Variants in NKD2 observed in about 807,000 individuals in gnomAD.
NKD2 encodes protein naked cuticle homolog 2.
A neutral mutation model predicts 34.8 loss-of-function variants in NKD2; 43 were observed. The ratio of observed to expected loss-of-function variants is 1.24; its 90% CI spans 0.97 to 1.60. The LOEUF is 1.60. NKD2 is among the 40% of genes most tolerant of loss of function. NKD2 has a pLI of 0.00. For synonymous variants in NKD2, 278 were observed against 265.1 expected (o/e 1.05, Z -0.47); for missense variants, 675 against 627.1 (o/e 1.08, Z -0.82).
intron 3 of NKD2, among the ~76,000 whole-genome samples, chr5:1,030,622 T>C (rs909790330): frequency 3.9e-5 from 6 of 152,192 alleles, no homozygotes; most frequent in African/African-American, 1.2e-4. Context: ...TGGACAGAGC[T>C]TTTCCCTCAC....
At chr5:1,033,290 G>A in intron 4 of NKD2, 82 bp from the exon 5 acceptor site, 1 of 1,305,710 alleles carries the variant, frequency 7.7e-7, no homozygotes, top group South Asian at 1.4e-5. Context: ...GTGGTGAGGG[G>A]AGAGCAGCGA....
At chr5:1,026,925 C>T (rs1756437931) in intron 3 of NKD2, among the ~76,000 whole-genome samples, 1 of 152,354 alleles carries the variant, frequency 6.6e-6, no homozygotes, top group South Asian at 2.1e-4. Flanking sequence ...TGCCTGAGCC[C>T]CACAAACTGG....
chr5:1,033,772 C>T (rs1756741163), intron 5 of NKD2, among the ~76,000 whole-genome samples: 1 of 152,212 alleles, frequency 6.6e-6, no homozygotes, highest in South Asian at 2.1e-4. Context: ...GCCTTGGTGC[C>T]CTTGGCACTA....
In NKD2 at chr5:1,009,632, T is replaced by G; in HGVS notation, c.141+72T>G. 1 of 1,241,266 alleles carries G rather than the reference T, an allele frequency of 8.1e-7. No individual in the cohort carries two copies. The highest frequency in any genetic ancestry group is 1.0e-6 in the Non-Finnish European group (1 of 956,422). The allele number at this position is 1,241,266 out of a possible 1,614,324, so 76.9% of individuals were successfully genotyped here. On this transcript the variant is annotated intron_variant, in intron 3 of 9. Coordinates refer to ENST00000296849, the MANE Select transcript of NKD2 (RefSeq NM_033120.4). The surrounding 1 kb of genome is among the most constrained non-coding windows in gnomAD (Gnocchi z 6.9). ...GGGCGGGGAGCGGTGTCAGAGCTGT[T>G]CCTGGTGCCCGCCCGCGGACAGGCG...
At chr5:1,011,439 CCTT>C (rs372164259) in intron 3 of NKD2, among the ~76,000 whole-genome samples, 103 of 152,344 alleles carry the variant, frequency 6.8e-4, no homozygotes, top group African/African-American at 2.5e-3. Context: ...CTGGCTCTCA[CCTT>C]CTTCTTTTGT....
intron 3 of NKD2, among the ~76,000 whole-genome samples, chr5:1,020,283 T>G (rs565753958): frequency 3.3e-4 from 50 of 152,300 alleles, no homozygotes; most frequent in African/African-American, 1.2e-3. Context: ...CACACGTATA[T>G]GTAGGTGTAT....
chr5:1,036,506 C>CCCCCA, intron 9 of NKD2, 122 bp downstream of exon 9: 2 of 602,934 alleles, frequency 3.3e-6, no homozygotes, highest in African/African-American at 2.9e-5. Flanking sequence ...CCCCCCAACC[C>CCCCCA]CCCCCACCCC....
intron 4 of NKD2, 58 bp downstream of exon 4, chr5:1,032,270 A>C (rs751497826): frequency 1.1e-5 from 16 of 1,423,408 alleles, no homozygotes; most frequent in Non-Finnish European, 1.6e-5. Flanking sequence ...TCCCGTACCA[A>C]GGCAACGCCG....
In NKD2 at chr5:1,033,862, C is replaced by T. The variant is rs188844505; in HGVS notation, c.330+363C>T. On this transcript the variant is annotated intron_variant, in intron 5 of 9. Coordinates refer to ENST00000296849, the MANE Select transcript of NKD2 (RefSeq NM_033120.4). ...GGCAGGGCACAGGGCTTCCGTTTCC[C>T]GGGAGGGCTCAGGGAGGACTGGGGT... Among the ~76,000 whole-genome samples, 116 of 152,324 alleles carry T rather than the reference C, an allele frequency of 7.6e-4. 1 individual carries two copies. Among genetic ancestry groups the T allele is most frequent in the South Asian group, 6.6e-3 (32 of 4,824 alleles).
rs758879135 is a variant in NKD2, at chr5:1,009,510, A to T, written c.91A>T (p.Ser31Cys). 3.1e-5 allele frequency: 47 copies of T among 1,497,530 alleles called. No individual in the cohort carries two copies. The South Asian group carries it at 5.2e-4, about 17-fold the overall frequency. 92.8% of individuals were successfully genotyped at this position (1,497,530 alleles called of 1,614,324 possible). Residue 31 changes from serine to cysteine, a missense_variant, in exon 3 of 10, where the codon AGC becomes TGC. Coordinates refer to ENST00000296849, the MANE Select transcript of NKD2 (RefSeq NM_033120.4). This position sits in a 1 kb window ranked among gnomAD's most constrained non-coding sequence, Gnocchi z 6.9. ...CAGCTTCGTGGCGTCCGCGTACGCG[A>T]GCGGCCGCAAAGGCGCGGAGGAAGC... ...GDSFVASAYA[S>C]GRKGAEEAER... is the part of the protein sequence containing the mutation.
chr5:1,029,007 C>CG (rs1368875960), intron 3 of NKD2, among the ~76,000 whole-genome samples: 1 of 152,156 alleles, frequency 6.6e-6, no homozygotes, highest in African/African-American at 2.4e-5. Flanking sequence ...GCCAGCGGCC[C>CG]GGGGGCAGGT....
At chr5:1,017,849 G>A (rs1756019345) in intron 3 of NKD2, among the ~76,000 whole-genome samples, 1 of 152,044 alleles carries the variant, frequency 6.6e-6, no homozygotes, top group Non-Finnish European at 1.5e-5. Flanking sequence ...CTGGAGTGTG[G>A]GAGAGGCCAG....
Position 1,034,103 on chromosome 5 carries a change from C to T in NKD2, c.331-132C>T. Reference sequence around the variant, plus strand: ...AGGGCTTGAGCTCCAGCCACGCTGCCCTCTAGGCTCCGCCTTTCCTAGCTG... The same window carrying T: ...AGGGCTTGAGCTCCAGCCACGCTGCTCTCTAGGCTCCGCCTTTCCTAGCTG... On this transcript the variant is annotated intron_variant, in intron 5 of 9. Coordinates refer to ENST00000296849, the MANE Select transcript of NKD2 (RefSeq NM_033120.4). The T allele has an allele frequency of 4.5e-6, 3 of 660,972 alleles. No individual in the cohort carries two copies. The South Asian group carries it at 5.3e-5, about 12-fold the overall frequency. The allele number at this position is 660,972 out of a possible 1,614,324, so 40.9% of individuals were successfully genotyped here.
rs531798393 is a variant in NKD2, at chr5:1,038,490, C to A, written c.*117C>A. 6.5e-7 allele frequency: 1 copy of A among 1,529,026 alleles called. No individual in the cohort carries two copies. The highest frequency in any genetic ancestry group is 1.2e-5 in the South Asian group (1 of 83,814). The allele number at this position is 1,529,026 out of a possible 1,614,324, so 94.7% of individuals were successfully genotyped here. ...GAGCCCAGCCCCCACCCCCCACCTC[C>A]GACAGCAAACAGCAACTGACTGCAG... On this transcript the variant is annotated 3_prime_UTR_variant, in exon 10 of 10. Transcript: ENST00000296849. The surrounding 1 kb of genome is among the most constrained non-coding windows in gnomAD (Gnocchi z 4.5).
At chr5:1,027,974 T>TG (rs1756488840) in intron 3 of NKD2, among the ~76,000 whole-genome samples, 2 of 152,182 alleles carry the variant, frequency 1.3e-5, no homozygotes, top group Non-Finnish European at 2.9e-5. Flanking sequence ...TGGGGGGCAG[T>TG]GGTGCTCCAG....
intron 3 of NKD2, among the ~76,000 whole-genome samples, chr5:1,010,827 C>T (rs958416498): frequency 2.6e-5 from 4 of 152,224 alleles, no homozygotes; most frequent in South Asian, 2.1e-4. Context: ...TCACCTCTCT[C>T]GTGGTCAGGG....
chr5:1,019,337 G>A (rs1193566856), intron 3 of NKD2, among the ~76,000 whole-genome samples: 1 of 152,208 alleles, frequency 6.6e-6, no homozygotes, highest in Non-Finnish European at 1.5e-5. Flanking sequence ...GATGCGCGTG[G>A]TCTTCTCTGA....
intron 7 of NKD2, among the ~76,000 whole-genome samples, chr5:1,035,124 GTGAACAAGTGAGTTAA>G (rs1196630255): frequency 5.9e-5 from 9 of 152,236 alleles, no homozygotes; most frequent in East Asian, 1.9e-4. Flanking sequence ...TAATGAATGA[GTGAACAAGTGAGTTAA>G]TGAATGAATG....
At chr5:1,029,778 G>A (rs1413625977) in intron 3 of NKD2, among the ~76,000 whole-genome samples, 9 of 152,218 alleles carry the variant, frequency 5.9e-5, no homozygotes, top group Non-Finnish European at 1.0e-4. Flanking sequence ...CTGAGTTCTG[G>A]CACTTTCCAG....
Sources: allele counts gnomAD v4.1 joint callset (sites outside exome capture counted in the v4.1 genomes callset), GRCh38; gene constraint gnomAD v4.1.1; non-coding constraint Gnocchi (gnomAD v3.1); transcripts MANE v1.5; gene names NCBI Gene and HGNC (gene_info 2026-07-23, HGNC 2026-07-21).